Variants in PVT1 observed in about 807,000 individuals in gnomAD.
The protein encoded by PVT1 is Pvt1 oncogene.
At chr8:127,827,223 G>A (rs1043457202) in intron 2 of PVT1, among the ~76,000 whole-genome samples, 1 of 152,006 alleles carries the variant, frequency 6.6e-6, no homozygotes, top group African/African-American at 2.4e-5. Flanking sequence ...TCGAACCCCC[G>A]ACCTCAGGTG....
intron 4 of PVT1, chr8:128,008,928 A>C (rs748639504): frequency 1.9e-6 from 1 of 526,538 alleles, no homozygotes; most frequent in South Asian, 1.4e-5. Flanking sequence ...AAGCTCTTGC[A>C]GTAGGTTTTT....
intron 5 of PVT1, among the ~76,000 whole-genome samples, chr8:128,085,792 C>T (rs1256215410): frequency 2.0e-5 from 3 of 152,190 alleles, no homozygotes; most frequent in Non-Finnish European, 4.4e-5. Flanking sequence ...TATGTCTTAG[C>T]ATCTTTGATT....
intron 3 of PVT1, among the ~76,000 whole-genome samples, chr8:127,959,586 GAAAAAAAAAAA>G (rs34255005): frequency 1.3e-5 from 1 of 76,504 alleles, no homozygotes; most frequent in South Asian, 5.5e-4. Flanking sequence ...TCTGTCTCAG[GAAAAAAAAAAA>G]AAAAAAAAAA....
chr8:127,858,175 G>A (rs573504072), intron 2 of PVT1, among the ~76,000 whole-genome samples: 1 of 152,288 alleles, frequency 6.6e-6, no homozygotes, highest in Admixed American at 6.5e-5. Context: ...TGGATCATTT[G>A]AGGTCAGGAG....
intron 4 of PVT1, among the ~76,000 whole-genome samples, chr8:128,052,561 A>G (rs1813711451): frequency 6.6e-6 from 1 of 152,222 alleles, no homozygotes; most frequent in Non-Finnish European, 1.5e-5. Context: ...ATGAAGGGAT[A>G]GACACTGGAG....
At chr8:127,937,924 G>A (rs1200416696) in intron 3 of PVT1, among the ~76,000 whole-genome samples, 7 of 152,282 alleles carry the variant, frequency 4.6e-5, no homozygotes, top group Admixed American at 3.9e-4. Flanking sequence ...ACGCTAAATC[G>A]TGCTACATGC....
chr8:127,961,017 C>G (rs1221707658), intron 3 of PVT1, among the ~76,000 whole-genome samples: 2 of 150,768 alleles, frequency 1.3e-5, no homozygotes, highest in Non-Finnish European at 1.5e-5. Flanking sequence ...AGGTGCCTGC[C>G]TGGGGACACA....
At chr8:128,044,009 TTATTTA>T (rs1214676985) in intron 4 of PVT1, among the ~76,000 whole-genome samples, 3 of 22,992 alleles carry the variant, frequency 1.3e-4, no homozygotes, top group African/African-American at 9.6e-4. Context: ...TTATTATTAT[TTATTTA>T]TTTTTTTTTT....
At chr8:128,097,838 C>G (rs895573954) in intron 6 of PVT1, among the ~76,000 whole-genome samples, 1 of 152,130 alleles carries the variant, frequency 6.6e-6, no homozygotes, top group Non-Finnish European at 1.5e-5. Context: ...CAAGAACTCC[C>G]CTCTTAATTT....
intron 3 of PVT1, among the ~76,000 whole-genome samples, chr8:127,953,002 G>A (rs1816525568): frequency 6.6e-6 from 1 of 152,048 alleles, no homozygotes; most frequent in South Asian, 2.1e-4. Context: ...CTGCCCTCGT[G>A]ATCCGCCCGC....
intron 3 of PVT1, among the ~76,000 whole-genome samples, chr8:127,945,248 G>A (rs983510033): frequency 2.0e-5 from 3 of 151,800 alleles, no homozygotes; most frequent in East Asian, 3.9e-4. Flanking sequence ...AGGAACATCC[G>A]CACATGCTTT....
At chr8:127,849,241 T>C (rs1815076015) in intron 2 of PVT1, among the ~76,000 whole-genome samples, 2 of 152,164 alleles carry the variant, frequency 1.3e-5, no homozygotes, top group South Asian at 4.1e-4. Context: ...GAGGCTGTTT[T>C]CTGTTCTTTT....
rs181445830 is a variant in PVT1, at chr8:127,806,996, C to T, written n.372+10925C>T. Among the ~76,000 whole-genome samples the T allele has an allele frequency of 4.6e-5, 7 of 152,286 alleles. No homozygotes were observed. The East Asian group carries it at 9.6e-4, about 21-fold the overall frequency. ...AAGATACATGTTTCATGCTTTACAA[C>T]GTGCCAGAAATAGGATGTCTGACTC... On this transcript the variant is annotated intron_variant and non_coding_transcript_variant, in intron 2 of 10. Coordinates refer to ENST00000651587, the Ensembl canonical transcript of PVT1.
At chr8:127,830,085 A>G (rs1814833460) in intron 2 of PVT1, among the ~76,000 whole-genome samples, 1 of 152,182 alleles carries the variant, frequency 6.6e-6, no homozygotes, top group Non-Finnish European at 1.5e-5. Flanking sequence ...TCTTTACTTA[A>G]CTAATTACCT....
chr8:128,085,200 T>C (rs752719992), intron 5 of PVT1, among the ~76,000 whole-genome samples: 2 of 151,970 alleles, frequency 1.3e-5, no homozygotes, highest in Non-Finnish European at 2.9e-5. Flanking sequence ...TCAGCTGAGC[T>C]CCCAGCATCA....
chr8:127,859,602 C>T (rs180933179), intron 2 of PVT1, among the ~76,000 whole-genome samples: 7 of 152,240 alleles, frequency 4.6e-5, no homozygotes, highest in Admixed American at 2.0e-4. Flanking sequence ...GTCTGACTCC[C>T]CGCCAGAGTC....
intron 3 of PVT1, among the ~76,000 whole-genome samples, chr8:127,944,432 T>C (rs934603979): frequency 6.6e-6 from 1 of 152,172 alleles, no homozygotes; most frequent in Non-Finnish European, 1.5e-5. Context: ...TTTCATACTT[T>C]CAGGTTCTTT....
At chr8:127,904,798 G>T (rs1184212227) in intron 3 of PVT1, among the ~76,000 whole-genome samples, 1 of 152,164 alleles carries the variant, frequency 6.6e-6, no homozygotes, top group East Asian at 1.9e-4. Flanking sequence ...ATAATATGTG[G>T]GGCTCAGTGC....
At chr8:127,970,618 C>T (rs1352578584) in intron 3 of PVT1, among the ~76,000 whole-genome samples, 2 of 151,976 alleles carry the variant, frequency 1.3e-5, no homozygotes, top group South Asian at 2.1e-4. Context: ...TTTTACTAGC[C>T]GTCAATCTCC....
Sources: gnomAD v4.1 joint callset for allele counts (sites outside exome capture counted in the v4.1 genomes callset) on GRCh38, gnomAD v4.1.1 for gene constraint, MANE v1.5 for transcripts, NCBI Gene and HGNC (gene_info 2026-07-23, HGNC 2026-07-21) for gene names.